The following BUB1 variants were observed in gnomAD, a reference collection of about 807,000 sequenced individuals.
The protein encoded by BUB1 is mitotic checkpoint serine/threonine-protein kinase BUB1.
Under a neutral mutation model 135.2 loss-of-function variants are expected in BUB1, and 84 were observed. That is an observed-to-expected ratio of 0.62 (90% CI 0.52 to 0.74). BUB1 has a LOEUF of 0.74. Among genes scored for constraint, BUB1 ranks in the 30% least tolerant of loss-of-function variants. The pLI is 0.00. For missense variants in BUB1, 1,162 were observed against 1,288.3 expected (o/e 0.90, Z 1.50); for synonymous variants, 403 against 434.4 (o/e 0.93, Z 0.90).
Position 110,649,286 on chromosome 2 carries a change from A to G in BUB1, c.2295T>C (p.Phe765=). ...TGGCTGGAAGTTTACATTGCCATTC[A>G]AAAGTATTTGGATAGGAACTCACTG... is the stretch of plus-strand genomic sequence containing the variant. ...SKPVSSYPNT[F]EWQCKLPAIK... Residue 765 remains phenylalanine, a synonymous_variant, in exon 19 of 25, where the codon TTT becomes TTC. Transcript: ENST00000302759. The G allele has an allele frequency of 6.2e-7, 1 of 1,613,176 alleles. No individual in the cohort carries two copies. The highest frequency in any genetic ancestry group is 2.2e-5 in the East Asian group (1 of 44,860).
chr2:110,652,094 C>T (rs753441215), intron 17 of BUB1, among the ~76,000 whole-genome samples: 6 of 151,528 alleles, frequency 4.0e-5, no homozygotes, highest in Admixed American at 6.6e-5. Context: ...ACACAGTATA[C>T]AGTTGATCCT....
At chr2:110,638,662 G>A (rs533933979) in intron 24 of BUB1, among the ~76,000 whole-genome samples, 113 of 152,368 alleles carry the variant, frequency 7.4e-4, no homozygotes, top group African/African-American at 2.6e-3. Context: ...TGGAGAGAAA[G>A]TAGAATGCAA....
chr2:110,638,713 G>T (rs1414319758), intron 24 of BUB1, among the ~76,000 whole-genome samples: 2 of 152,244 alleles, frequency 1.3e-5, no homozygotes, highest in Non-Finnish European at 2.9e-5. Context: ...CAGGCCTGCT[G>T]AGGGTTAACT....
chr2:110,651,891 T>A (rs1466220876), intron 17 of BUB1, among the ~76,000 whole-genome samples: 2 of 152,166 alleles, frequency 1.3e-5, no homozygotes, highest in Admixed American at 1.3e-4. Context: ...GGTTATACCA[T>A]ATAGCCTAGG....
intron 6 of BUB1, 151 bp downstream of exon 6, chr2:110,669,302 G>T (rs751740224): frequency 6.4e-6 from 4 of 626,502 alleles, no homozygotes; most frequent in Non-Finnish European, 8.6e-6. Flanking sequence ...GGCCCAGGAA[G>T]TTGCCACAGG....
intron 1 of BUB1, among the ~76,000 whole-genome samples, chr2:110,675,808 T>C (rs1048341303): frequency 2.0e-5 from 3 of 152,110 alleles, no homozygotes; most frequent in Non-Finnish European, 4.4e-5. Context: ...CATGCCACCA[T>C]GTCTGGCTAA....
At chr2:110,660,555 A>G (rs1423390695) in intron 10 of BUB1, among the ~76,000 whole-genome samples, 1 of 151,500 alleles carries the variant, frequency 6.6e-6, no homozygotes, top group African/African-American at 2.4e-5. Flanking sequence ...TTTTCCTTTC[A>G]GTTCCATTTC....
At chr2:110,669,201 GT>G (rs1690350496) in intron 6 of BUB1, among the ~76,000 whole-genome samples, 2 of 152,194 alleles carry the variant, frequency 1.3e-5, no homozygotes, top group African/African-American at 4.8e-5. Flanking sequence ...GGAAAAGCTG[GT>G]GGGGAGAGTA....
At chr2:110,653,977 C>T (rs898833878) in intron 16 of BUB1, among the ~76,000 whole-genome samples, 10 of 152,068 alleles carry the variant, frequency 6.6e-5, no homozygotes, top group South Asian at 4.2e-4. Flanking sequence ...ATAGCAAGAC[C>T]GTATCTCTTA....
intron 19 of BUB1, chr2:110,642,836 C>T (rs6721997): frequency 0.11 from 16,159 of 152,618 alleles, 1,649 homozygotes; most frequent in African/African-American, 0.26. Context: ...GGACCACAGG[C>T]GTGCACCACC....
intron 18 of BUB1, among the ~76,000 whole-genome samples, chr2:110,650,293 G>A (rs866615755): frequency 3.9e-5 from 6 of 152,046 alleles, no homozygotes; most frequent in Non-Finnish European, 7.4e-5. Flanking sequence ...AGCCTGGCAC[G>A]TAGTAGGCTG....
chr2:110,661,039 A>T (rs1199188713), intron 10 of BUB1: 1 of 152,286 alleles, frequency 6.6e-6, no homozygotes, highest in East Asian at 1.9e-4. Flanking sequence ...AAATGACTGG[A>T]GGTAAAAATG....
intron 9 of BUB1, among the ~76,000 whole-genome samples, chr2:110,664,627 T>C (rs1460207084): frequency 6.8e-6 from 1 of 147,846 alleles, no homozygotes; most frequent in Admixed American, 6.9e-5. Flanking sequence ...GCCTTCGAAA[T>C]GAGGACAGTA....
In BUB1 at chr2:110,655,941, A is replaced by T. The variant is rs776269692; in HGVS notation, c.1699-25T>A. On this transcript the variant is annotated intron_variant, in intron 15 of 24. Coordinates refer to ENST00000302759, the MANE Select transcript of BUB1 (RefSeq NM_004336.5). Reference sequence around the variant, plus strand: ...CCTATAACAGAAGATGAAATGAAAAAAAAGCAGCAATCTCCCTCTTTAGTC... The same window carrying T: ...CCTATAACAGAAGATGAAATGAAAATAAAGCAGCAATCTCCCTCTTTAGTC... The T allele has an allele frequency of 1.1e-5, 17 of 1,604,684 alleles. No homozygotes were observed. In the Admixed American group the frequency reaches 2.9e-4, roughly 27 times the overall value.
chr2:110,642,494 A>T (rs59372758), intron 19 of BUB1: 19,863 of 228,306 alleles, frequency 0.087, 1,868 homozygotes, highest in African/African-American at 0.26. Flanking sequence ...ATGTTTAGTC[A>T]TCATGTCCAC....
intron 11 of BUB1, 44 bp from the exon 12 acceptor site, chr2:110,658,786 C>G (rs984938484): frequency 1.9e-6 from 3 of 1,607,730 alleles, no homozygotes; most frequent in Non-Finnish European, 2.6e-6. Flanking sequence ...GTAGGGAAAT[C>G]AGAATAACTT....
intron 2 of BUB1, 34 bp from the exon 3 acceptor site, chr2:110,674,258 G>A (rs770923288): frequency 2.5e-6 from 4 of 1,612,328 alleles, no homozygotes; most frequent in Non-Finnish European, 2.5e-6. Flanking sequence ...ATTTTCCATG[G>A]GGCAGTGTAT....
chr2:110,672,957 C>T (rs1285151526), intron 3 of BUB1, 100 bp from the exon 4 acceptor site: 23 of 1,212,468 alleles, frequency 1.9e-5, no homozygotes, highest in South Asian at 3.6e-5. Context: ...TAGGTAGCTT[C>T]GGATGGGAGC....
chr2:110,647,285 C>T (rs1043396694), intron 19 of BUB1, among the ~76,000 whole-genome samples: 1 of 151,902 alleles, frequency 6.6e-6, no homozygotes, highest in Non-Finnish European at 1.5e-5. Flanking sequence ...AACACGGATA[C>T]AAACATCTTC....
Sources: allele counts gnomAD v4.1 joint callset (sites outside exome capture counted in the v4.1 genomes callset), GRCh38; gene constraint gnomAD v4.1.1; transcripts MANE v1.5; gene names NCBI Gene and HGNC (gene_info 2026-07-23, HGNC 2026-07-21).